The following USP54 variants were observed in gnomAD, a reference collection of about 807,000 sequenced individuals.
The protein encoded by USP54 is ubiquitin carboxyl-terminal hydrolase 54.
USP54 carries 87 observed loss-of-function variants against 170.5 expected under a neutral mutation model. That is an observed-to-expected ratio of 0.51 (90% CI 0.43 to 0.61). USP54 has a LOEUF of 0.61. Among genes scored for constraint, USP54 ranks in the 20% least tolerant of loss-of-function variants. The pLI is 0.00. For synonymous variants in USP54, 655 were observed against 742.8 expected (o/e 0.88, Z 1.92); for missense variants, 1,786 against 2,047.8 (o/e 0.87, Z 2.47).
intron 4 of USP54, among the ~76,000 whole-genome samples, chr10:73,555,007 G>T (rs1483378550): frequency 6.6e-6 from 1 of 152,206 alleles, no homozygotes; most frequent in Non-Finnish European, 1.5e-5. Context: ...GTTGGCTGAG[G>T]TGGGAAGATC....
At chr10:73,514,902 T>C (rs1305244052) in intron 20 of USP54, among the ~76,000 whole-genome samples, 1 of 151,732 alleles carries the variant, frequency 6.6e-6, no homozygotes, top group Non-Finnish European at 1.5e-5. Context: ...TAGCCAGGTG[T>C]GGTGGTGGAC....
intron 1 of USP54, among the ~76,000 whole-genome samples, chr10:73,599,355 C>T (rs2078992198): frequency 6.6e-6 from 1 of 152,166 alleles, no homozygotes; most frequent in African/African-American, 2.4e-5. Flanking sequence ...AAAATAGAAA[C>T]AGAAGTAATT....
intron 10 of USP54, 106 bp from the exon 11 acceptor site, chr10:73,536,543 G>C: frequency 7.7e-7 from 1 of 1,296,080 alleles, no homozygotes; most frequent in Non-Finnish European, 1.0e-6. Flanking sequence ...GAGATGAAAA[G>C]ATAAGAATTG....
At chr10:73,570,550 CTTTTTTTT>C (rs554652532) in intron 4 of USP54, among the ~76,000 whole-genome samples, 1 of 132,262 alleles carries the variant, frequency 7.6e-6, no homozygotes, top group East Asian at 2.2e-4. Flanking sequence ...TTTCCTTTTT[CTTTTTTTT>C]TTTTTTTTTT....
rs889661890 is a variant in USP54, at chr10:73,568,300, A to C, written c.240+3121T>G. ...TGGCTCATTTCAAGTTTACTCCTTC[A>C]TATGTTTATCATCCTTTCCCTTCTC... On this transcript the variant is annotated intron_variant, in intron 4 of 23. Transcript: ENST00000687698. 4.6e-5 allele frequency among the ~76,000 whole-genome samples: 7 copies of C among 152,290 alleles called. No homozygotes were observed. The South Asian group carries it at 1.4e-3, about 32-fold the overall frequency.
At chr10:73,504,010 C>A (rs2058638298) in intron 22 of USP54, among the ~76,000 whole-genome samples, 2 of 152,246 alleles carry the variant, frequency 1.3e-5, no homozygotes, top group Admixed American at 6.5e-5. Context: ...GCCACCACGC[C>A]TGGCCTCGGC....
At position 73,551,957 on chromosome 10, in the gene USP54, T is replaced by C. The variant is rs533143027; in HGVS notation, c.241-6285A>G. Among the ~76,000 whole-genome samples the C allele has an allele frequency of 2.0e-5, 3 of 152,326 alleles. No individual in the cohort carries two copies. The South Asian group carries it at 6.2e-4, about 32-fold the overall frequency. On this transcript the variant is annotated intron_variant, in intron 4 of 23. Coordinates refer to ENST00000687698, the MANE Select transcript of USP54 (RefSeq NM_001391956.1). ...ACTCTCCTATGCATAGCACTAGCTA[T>C]ATGGCATCTTGGAGAGAATTAAGAA...
At chr10:73,510,013 G>A (rs929496000) in intron 20 of USP54, among the ~76,000 whole-genome samples, 3 of 152,034 alleles carry the variant, frequency 2.0e-5, no homozygotes, top group Admixed American at 6.6e-5. Context: ...ATAATGTAGA[G>A]GGGAAAGGAA....
chr10:73,534,049 C>A (rs996059366), intron 12 of USP54, among the ~76,000 whole-genome samples: 4 of 152,166 alleles, frequency 2.6e-5, no homozygotes, highest in African/African-American at 9.7e-5. Flanking sequence ...ACATTACAAT[C>A]GTCTTTATTG....
At chr10:73,584,578 A>G (rs1460453107) in intron 1 of USP54, among the ~76,000 whole-genome samples, 1 of 152,206 alleles carries the variant, frequency 6.6e-6, no homozygotes, top group Admixed American at 6.5e-5. Context: ...ACTCAGCAAC[A>G]TCGGGGTAAG....
chr10:73,625,144 C>A (rs914895118), intron 1 of USP54, among the ~76,000 whole-genome samples: 2 of 152,122 alleles, frequency 1.3e-5, no homozygotes, highest in Admixed American at 1.3e-4. Flanking sequence ...GCACACACCC[C>A]CTTCTTCCAA....
At chr10:73,610,823 A>G (rs1345757701) in intron 1 of USP54, among the ~76,000 whole-genome samples, 1 of 152,210 alleles carries the variant, frequency 6.6e-6, no homozygotes. Context: ...TGTGCTTTGT[A>G]GAACATGTTT....
chr10:73,502,332 G>A (rs377476887), intron 22 of USP54, among the ~76,000 whole-genome samples: 1 of 151,298 alleles, frequency 6.6e-6, no homozygotes, highest in South Asian at 2.1e-4. Flanking sequence ...TTTTTGAGAC[G>A]GAGTCTCGCT....
At chr10:73,608,334 T>C (rs1242815496) in intron 1 of USP54, among the ~76,000 whole-genome samples, 1 of 152,170 alleles carries the variant, frequency 6.6e-6, no homozygotes, top group Non-Finnish European at 1.5e-5. Context: ...TTCCCTCTTA[T>C]ACCAACATAA....
chr10:73,623,272 T>C (rs1459509378), intron 1 of USP54, among the ~76,000 whole-genome samples: 1 of 151,828 alleles, frequency 6.6e-6, no homozygotes, highest in African/African-American at 2.4e-5. Context: ...TGTGGTCCTA[T>C]CTACTCAGGA....
chr10:73,566,086 C>T (rs572645667), intron 4 of USP54, among the ~76,000 whole-genome samples: 17 of 152,156 alleles, frequency 1.1e-4, no homozygotes, highest in African/African-American at 3.9e-4. Flanking sequence ...CAAAATTAGC[C>T]GGGCGTGGTG....
In USP54 at chr10:73,529,768, T is replaced by C. The variant is rs1014898538; in HGVS notation, c.1972A>G (p.Met658Val). Reference protein sequence around the residue: ...LEQHPRLIQRMESGYESSERN... With the variant: ...LEQHPRLIQRVESGYESSERN... ...TCACTGCTTTCATAGCCAGATTCCA[T>C]TCGCTGGATTAGTCGGGGGTGCTGC... Residue 658 changes from methionine to valine, a missense_variant, in exon 15 of 24, where the codon ATG (methionine) becomes GTG (valine). Around this residue, in one of 3 missense-constraint regions of USP54, gnomAD observed 1,418 missense variants for 1,569.0 expected, o/e 0.90. Coordinates refer to ENST00000687698, the MANE Select transcript of USP54 (RefSeq NM_001391956.1). 5 of 1,614,002 alleles carry C rather than the reference T, an allele frequency of 3.1e-6. No individual in the cohort carries two copies. Among genetic ancestry groups the C allele is most frequent in the Non-Finnish European group, 4.2e-6 (5 of 1,179,896 alleles).
chr10:73,554,371 G>A (rs978032187), intron 4 of USP54, among the ~76,000 whole-genome samples: 1 of 152,062 alleles, frequency 6.6e-6, no homozygotes, highest in Non-Finnish European at 1.5e-5. Flanking sequence ...CACTGCTTTC[G>A]CTACATCTCC....
intron 20 of USP54, among the ~76,000 whole-genome samples, chr10:73,508,062 C>T (rs770058142): frequency 9.2e-5 from 14 of 152,058 alleles, no homozygotes; most frequent in Admixed American, 2.6e-4. Context: ...AAATGTGACT[C>T]CTGGACAAGA....
Sources: allele counts gnomAD v4.1 joint callset (sites outside exome capture counted in the v4.1 genomes callset), GRCh38; gene constraint gnomAD v4.1.1; regional missense constraint gnomAD v4.1.1; transcripts MANE v1.5; gene names NCBI Gene and HGNC (gene_info 2026-07-23, HGNC 2026-07-21).